The following TMCO6 variants were observed in gnomAD, a reference collection of about 807,000 sequenced individuals.
TMCO6 encodes transmembrane and coiled-coil domains 6, also known as transmembrane and coiled-coil domain-containing protein 6.
Under a neutral mutation model 61.8 loss-of-function variants are expected in TMCO6, and 47 were observed. The observed-to-expected ratio is 0.76, with a 90% CI of 0.60 to 0.97. TMCO6 has a LOEUF of 0.97. Ranked by LOEUF, TMCO6 falls within the 50% of genes least tolerant of loss-of-function variation. The pLI is 0.00. For synonymous variants in TMCO6, 261 were observed against 254.2 expected (o/e 1.03, Z -0.25); for missense variants, 557 against 601.6 (o/e 0.93, Z 0.78).
chr5:140,622,943 C>T, the TMCO6 span, among the ~76,000 whole-genome samples: 1 of 151,992 alleles, frequency 6.6e-6, no homozygotes, highest in Non-Finnish European at 1.5e-5. Flanking sequence ...GTCTCGAACC[C>T]CTGGGTTCAA....
At chr5:140,613,884 G>GC in the TMCO6 span, among the ~76,000 whole-genome samples, 1 of 149,090 alleles carries the variant, frequency 6.7e-6, no homozygotes, top group Non-Finnish European at 1.5e-5. Flanking sequence ...ATCTCTCATC[G>GC]TTTTTTTTTG....
At chr5:140,619,499 C>T in the TMCO6 span, among the ~76,000 whole-genome samples, 2 of 152,098 alleles carry the variant, frequency 1.3e-5, no homozygotes, top group Admixed American at 1.3e-4. Context: ...TATTCTTTTC[C>T]TTTCAGGTGC....
the TMCO6 span, among the ~76,000 whole-genome samples, chr5:140,605,002 T>C: frequency 6.6e-6 from 1 of 152,200 alleles, no homozygotes; most frequent in East Asian, 1.9e-4. Flanking sequence ...TATTTAGGTC[T>C]TCTTTAATTT....
At chr5:140,630,267 T>C in the TMCO6 span, among the ~76,000 whole-genome samples, 8 of 151,852 alleles carry the variant, frequency 5.3e-5, no homozygotes, top group Non-Finnish European at 1.2e-4. Context: ...GCTGGGATTA[T>C]AGGCATGAGC....
chr5:140,624,598 C>T, the TMCO6 span, among the ~76,000 whole-genome samples: 1 of 151,924 alleles, frequency 6.6e-6, no homozygotes, highest in African/African-American at 2.4e-5. Flanking sequence ...ATTTTTGAAA[C>T]GGAGTCTCAC....
the TMCO6 span, among the ~76,000 whole-genome samples, chr5:140,602,126 C>A: frequency 0.032 from 4,829 of 152,268 alleles, 230 homozygotes; most frequent in African/African-American, 0.1. Flanking sequence ...TCCAACTTTT[C>A]TAGTACTCAG....
At chr5:140,600,772 T>C in the TMCO6 span, among the ~76,000 whole-genome samples, 2 of 152,006 alleles carry the variant, frequency 1.3e-5, no homozygotes, top group Non-Finnish European at 2.9e-5. Context: ...CCCCAAAGGG[T>C]GAATTTATGT....
the TMCO6 span, among the ~76,000 whole-genome samples, chr5:140,625,559 T>C: frequency 6.6e-6 from 1 of 152,220 alleles, no homozygotes; most frequent in South Asian, 2.1e-4. Flanking sequence ...TTCACCCTTA[T>C]GCCCAGCAAT....
At chr5:140,613,884 G>GTTT in the TMCO6 span, among the ~76,000 whole-genome samples, 48 of 149,116 alleles carry the variant, frequency 3.2e-4, 1 homozygote, top group South Asian at 1.3e-3. Context: ...ATCTCTCATC[G>GTTT]TTTTTTTTTG....
chr5:140,614,957 T>A, the TMCO6 span, among the ~76,000 whole-genome samples: 1 of 151,996 alleles, frequency 6.6e-6, no homozygotes, highest in Non-Finnish European at 1.5e-5. Context: ...CCAGAACAAG[T>A]AGGCAGGAAA....
chr5:140,619,642 A>G, the TMCO6 span, among the ~76,000 whole-genome samples: 1 of 152,296 alleles, frequency 6.6e-6, no homozygotes, highest in East Asian at 1.9e-4. Flanking sequence ...CATGCCTCTA[A>G]TAAACTCTCC....
chr5:140,629,407 C>T, the TMCO6 span, among the ~76,000 whole-genome samples: 2 of 152,052 alleles, frequency 1.3e-5, no homozygotes, highest in Admixed American at 6.6e-5. Context: ...ACTTATAATT[C>T]CTAATACAAT....
the TMCO6 span, among the ~76,000 whole-genome samples, chr5:140,631,110 A>C: frequency 1.3e-5 from 2 of 152,238 alleles, no homozygotes; most frequent in African/African-American, 4.8e-5. Flanking sequence ...TTCTAACAGA[A>C]CACAGGATCT....
At chr5:140,633,019 C>T in the TMCO6 span, 1 of 1,614,150 alleles carries the variant, frequency 6.2e-7, no homozygotes, top group Non-Finnish European at 8.5e-7. Flanking sequence ...CCCATCCAAC[C>T]CCTGTGGCTC....
the TMCO6 span, among the ~76,000 whole-genome samples, chr5:140,611,854 C>T: frequency 3.3e-5 from 5 of 152,082 alleles, no homozygotes; most frequent in African/African-American, 4.8e-5. Context: ...TTTAGATAGC[C>T]TAAAAGATTC....
chr5:140,616,433 C>T, the TMCO6 span, among the ~76,000 whole-genome samples: 3 of 151,848 alleles, frequency 2.0e-5, no homozygotes, highest in Admixed American at 6.6e-5. Context: ...ATGGTGACAC[C>T]GGCCTATAGC....
At chr5:140,633,652 T>C in the TMCO6 span, 1 of 159,116 alleles carries the variant, frequency 6.3e-6, no homozygotes, top group Non-Finnish European at 1.4e-5. Flanking sequence ...CTGCATGTTT[T>C]GTGGAAGAGA....
At chr5:140,631,778 C>G in the TMCO6 span, 2 of 1,374,434 alleles carry the variant, frequency 1.5e-6, no homozygotes, top group Non-Finnish European at 2.0e-6. Context: ...TTGAATTGGT[C>G]GAAAAGTCCT....
chr5:140,605,445 T>C, the TMCO6 span, among the ~76,000 whole-genome samples: 2 of 152,072 alleles, frequency 1.3e-5, no homozygotes, highest in Non-Finnish European at 2.9e-5. Flanking sequence ...TTTGGGAGGC[T>C]GAGGCGGGTG....
Sources: gnomAD v4.1 joint callset for allele counts (sites outside exome capture counted in the v4.1 genomes callset) on GRCh38, gnomAD v4.1.1 for gene constraint, MANE v1.5 for transcripts, NCBI Gene and HGNC (gene_info 2026-07-23, HGNC 2026-07-21) for gene names.